Variants in IL10RB observed in about 807,000 individuals in gnomAD.
IL10RB encodes interleukin-10 receptor subunit beta.
Under a neutral mutation model 38.7 loss-of-function variants are expected in IL10RB, and 30 were observed. That is an observed-to-expected ratio of 0.78 (90% CI 0.58 to 1.05). IL10RB has a LOEUF of 1.05. Ranked by LOEUF, IL10RB falls within the 50% of genes least tolerant of loss-of-function variation. IL10RB has a pLI of 0.00. For synonymous variants in IL10RB, 142 were observed against 145.9 expected (o/e 0.97, Z 0.19); for missense variants, 328 against 397.1 (o/e 0.83, Z 1.48).
downstream of IL10RB, among the ~76,000 whole-genome samples, chr21:33,297,837 GGAAA>G (rs2082974222): frequency 6.8e-6 from 1 of 148,062 alleles, no homozygotes; most frequent in Non-Finnish European, 1.5e-5. Context: ...AAGAAAGAAA[GGAAA>G]GAAAAAAAAG....
exon 2 of IL10RB, chr21:33,309,378 G>A (rs1169773999): frequency 6.6e-6 from 1 of 152,194 alleles, no homozygotes; most frequent in Admixed American, 6.5e-5. Context: ...AAGGAGATAA[G>A]AAAGTGTTTA....
chr21:33,291,291 A>G (rs540047927), intron 6 of IL10RB, among the ~76,000 whole-genome samples: 1 of 151,418 alleles, frequency 6.6e-6, no homozygotes, highest in South Asian at 2.1e-4. Context: ...TTGGAGACGG[A>G]GTCTCACTCT....
downstream of IL10RB, among the ~76,000 whole-genome samples, chr21:33,300,038 C>T (rs1356532395): frequency 6.6e-6 from 1 of 152,180 alleles, no homozygotes; most frequent in Non-Finnish European, 1.5e-5. Flanking sequence ...GGCTGCTCAC[C>T]ACTGACCACC....
intron 6 of IL10RB, among the ~76,000 whole-genome samples, chr21:33,291,275 T>C (rs1000811807): frequency 6.6e-6 from 1 of 151,720 alleles, no homozygotes; most frequent in African/African-American, 2.4e-5. Flanking sequence ...TGAATTTCTT[T>C]TTTTTTTGGA....
chr21:33,284,296 C>CAAAAAAAA (rs59098773), intron 5 of IL10RB, among the ~76,000 whole-genome samples: 1 of 69,148 alleles, frequency 1.4e-5, no homozygotes. Flanking sequence ...GACCCTGCCT[C>CAAAAAAAA]AAAAAAAAAA....
At chr21:33,285,740 G>A (rs1443801792) in intron 5 of IL10RB, among the ~76,000 whole-genome samples, 1 of 152,164 alleles carries the variant, frequency 6.6e-6, no homozygotes, top group Non-Finnish European at 1.5e-5. Flanking sequence ...CGCCAAATTA[G>A]AGAACTACCG....
rs111533808 is a variant in IL10RB at position 33,279,652 on chromosome 21, T to C, written c.332-100T>C. The stretch of plus-strand genomic sequence containing the variant: ...ATGACAATAGTATATCAAAGCAGTG[T>C]ACTTCCGTGGACTAATTGTTCTGCA... On this transcript the variant is annotated intron_variant, in intron 3 of 6. Coordinates refer to ENST00000290200, the MANE Select transcript of IL10RB (RefSeq NM_000628.5). 1,248 of 973,278 alleles carry C rather than the reference T, an allele frequency of 1.3e-3. 9 individuals carry two copies. The African/African-American group carries it at 0.017, about 13-fold the overall frequency. The allele number at this position is 973,278 out of a possible 1,614,324, so 60.3% of individuals were successfully genotyped here.
At chr21:33,289,855 G>A (rs1989449580) in intron 6 of IL10RB, among the ~76,000 whole-genome samples, 1 of 152,238 alleles carries the variant, frequency 6.6e-6, no homozygotes, top group South Asian at 2.1e-4. Context: ...GCTTATGCCT[G>A]TAAGCCTAGC....
chr21:33,288,378 C>T (rs541266379), intron 6 of IL10RB, 117 bp downstream of exon 6: 34 of 712,248 alleles, frequency 4.8e-5, no homozygotes, highest in African/African-American at 1.7e-4. Flanking sequence ...CACACGCGCG[C>T]GCGCACACAC....
At chr21:33,270,695 G>C (rs1398513789) in intron 2 of IL10RB, among the ~76,000 whole-genome samples, 4 of 136,202 alleles carry the variant, frequency 2.9e-5, no homozygotes, top group African/African-American at 1.1e-4. Flanking sequence ...TTTTCTTTGA[G>C]ACAGGGTCTC....
downstream of IL10RB, among the ~76,000 whole-genome samples, chr21:33,301,991 A>G (rs994138723): frequency 1.3e-5 from 2 of 152,166 alleles, no homozygotes; most frequent in African/African-American, 2.4e-5. Flanking sequence ...ACCCATGGAA[A>G]GCGACACAGG....
In IL10RB at chr21:33,266,395, G is replaced by A. The variant is rs994356906; in HGVS notation, c.-71G>A. ...TCCGCTGGTTCCCGGAAGCCGCCGC[G>A]GACAAGCTCTCCCGGGCGCGGGCGG... is the stretch of plus-strand genomic sequence containing the variant. On this transcript the variant is annotated 5_prime_UTR_variant, in exon 1 of 7. Transcript: ENST00000290200. The A allele has an allele frequency of 1.7e-5, 25 of 1,504,978 alleles. No individual in the cohort carries two copies. Among genetic ancestry groups the A allele is most frequent in the Admixed American group, 4.0e-5 (2 of 50,302 alleles). 93.2% of individuals were successfully genotyped at this position (1,504,978 alleles called of 1,614,324 possible).
intron 1 of IL10RB, among the ~76,000 whole-genome samples, chr21:33,303,575 G>A (rs991801945): frequency 7.9e-5 from 12 of 152,018 alleles, no homozygotes; most frequent in Non-Finnish European, 1.0e-4. Flanking sequence ...GGCTGGTATC[G>A]AACTCCTGAC....
At chr21:33,298,786 C>T (rs192185899), downstream of IL10RB, among the ~76,000 whole-genome samples, 175 of 152,200 alleles carry the variant, frequency 1.1e-3, no homozygotes, top group South Asian at 2.3e-3. Flanking sequence ...AAGCTGCAAG[C>T]GTAGATTAGC....
At chr21:33,267,488 T>G (rs1224767666) in intron 1 of IL10RB, among the ~76,000 whole-genome samples, 1 of 149,532 alleles carries the variant, frequency 6.7e-6, no homozygotes, top group South Asian at 2.1e-4. Flanking sequence ...TTCCGTTTTT[T>G]TTTTTGTTTG....
downstream of IL10RB, among the ~76,000 whole-genome samples, chr21:33,301,212 G>A (rs2082985030): frequency 6.6e-6 from 1 of 152,142 alleles, no homozygotes; most frequent in Non-Finnish European, 1.5e-5. Context: ...AAAAAACAAA[G>A]TCTATTTTAT....
Position 33,283,123 on chromosome 21 carries a change from G to A in IL10RB, c.528G>A (p.Glu176=). The A allele has an allele frequency of 1.2e-6, 2 of 1,613,698 alleles. No homozygotes were observed. ...KFQITPQYDF[E]VLRNLEPWTT... is the part of the protein sequence containing the mutation. Reference sequence around the variant, plus strand: ...AAATTACTCCCCAGTATGACTTTGAGGTCCTCAGAAACCTGGAGCCATGGA... The same window carrying A: ...AAATTACTCCCCAGTATGACTTTGAAGTCCTCAGAAACCTGGAGCCATGGA... The change falls in exon 5 of 7, where the codon GAG becomes GAA. Residue 176 remains glutamate (E), a synonymous_variant. Transcript: ENST00000290200.
chr21:33,276,572 T>A (rs754411300), intron 2 of IL10RB, 24 bp from the exon 3 acceptor site: 1 of 1,606,912 alleles, frequency 6.2e-7, no homozygotes, highest in Non-Finnish European at 8.5e-7. Context: ...CTCTCCTGAT[T>A]GACCTATCTT....
At chr21:33,290,588 C>T (rs980661279) in intron 6 of IL10RB, among the ~76,000 whole-genome samples, 12 of 152,174 alleles carry the variant, frequency 7.9e-5, no homozygotes, top group African/African-American at 2.9e-4. Context: ...CTTCCTGACG[C>T]AGGTGTTCCA....
Sources: allele counts gnomAD v4.1 joint callset (sites outside exome capture counted in the v4.1 genomes callset), GRCh38; gene constraint gnomAD v4.1.1; transcripts MANE v1.5; gene names NCBI Gene and HGNC (gene_info 2026-07-23, HGNC 2026-07-21).